Variants in PDS5A observed in about 807,000 individuals in gnomAD.
PDS5A encodes PDS5 cohesin associated factor A, also known as sister chromatid cohesion protein PDS5 homolog A.
PDS5A carries 42 observed loss-of-function variants against 167.1 expected under a neutral mutation model. The observed-to-expected ratio is 0.25, with a 90% confidence interval of 0.20 to 0.33. The LOEUF (loss-of-function observed/expected upper bound fraction) is 0.33. Among genes scored for constraint, PDS5A ranks in the 10% least tolerant of loss-of-function variants. The pLI is 1.00. For missense variants in PDS5A, 1,033 were observed against 1,605.9 expected, an observed-to-expected ratio of 0.64 and a Z score of 6.10; for synonymous variants, 553 against 554.6, an observed-to-expected ratio of 1.00 and a Z score of 0.04.
At chr4:39,906,485 AAGGTTTAATAGGGT>A (rs1225990372) in intron 11 of PDS5A, among the ~76,000 whole-genome samples, 2 of 152,092 alleles carry the variant, frequency 1.3e-5, no homozygotes, top group Non-Finnish European at 2.9e-5. Flanking sequence ...AGAGGTTGGG[AAGGTTTAATAGGGT>A]AGGAAAGAAA....
chr4:39,876,806 A>G (rs1281984722), intron 19 of PDS5A, among the ~76,000 whole-genome samples, 187 bp downstream of exon 19: 1 of 152,190 alleles, frequency 6.6e-6, no homozygotes, highest in African/African-American at 2.4e-5. Context: ...TGCTGCCTGC[A>G]TTCTAATGGT....
chr4:39,867,266 A>G (rs1249377313), intron 22 of PDS5A, among the ~76,000 whole-genome samples: 1 of 152,156 alleles, frequency 6.6e-6, no homozygotes, highest in African/African-American at 2.4e-5. Context: ...TCCAACAGAT[A>G]AGGCAATTGA....
chr4:39,906,917 T>TAAAATAAAAAA (rs1320189136), intron 11 of PDS5A, among the ~76,000 whole-genome samples: 5 of 54,028 alleles, frequency 9.3e-5, no homozygotes, highest in Non-Finnish European at 1.2e-4. Context: ...ATTTCTTACA[T>TAAAATAAAAAA]AAAAAAAAAA....
Position 39,824,562 on chromosome 4 carries a change from A to G in PDS5A, c.*923T>C, listed in dbSNP as rs898257352. ...CCTCCAACTTTCCTTAAAAGCTGCC[A>G]AAGTCCAACTATTTTTTAAAAATTG... On this transcript the variant is annotated 3_prime_UTR_variant, in exon 33 of 33. Transcript: ENST00000303538. The G allele has an allele frequency of 1.1e-4, 17 of 152,736 alleles. No individual in the cohort carries two copies. Among genetic ancestry groups the G allele is most frequent in the African/African-American group, 3.8e-4 (16 of 41,588 alleles). 9.5% of individuals were successfully genotyped at this position (152,736 alleles called of 1,614,324 possible). A position where few individuals can be genotyped will look rare whatever the true frequency, so the allele number is the denominator to read the frequency against.
chr4:39,883,546 G>T (rs1721147221), intron 17 of PDS5A, among the ~76,000 whole-genome samples: 2 of 152,316 alleles, frequency 1.3e-5, no homozygotes, highest in African/African-American at 2.4e-5. Flanking sequence ...AACAGCAGAA[G>T]ATTCTTCTTC....
intron 5 of PDS5A, among the ~76,000 whole-genome samples, chr4:39,923,642 C>CAA: frequency 4.1e-5 from 6 of 148,130 alleles, no homozygotes; most frequent in African/African-American, 1.5e-4. Flanking sequence ...TCTCAAAACA[C>CAA]ACACACACAC....
intron 30 of PDS5A, among the ~76,000 whole-genome samples, chr4:39,843,166 C>T (rs1453809675): frequency 6.6e-6 from 1 of 151,358 alleles, no homozygotes; most frequent in African/African-American, 2.4e-5. Context: ...TGAGCCATCA[C>T]ACATGGCCTT....
intron 8 of PDS5A, among the ~76,000 whole-genome samples, chr4:39,916,605 C>T (rs547395871): frequency 3.3e-5 from 5 of 152,120 alleles, no homozygotes; most frequent in African/African-American, 7.2e-5. Flanking sequence ...TGGTGGCTCA[C>T]GCTTGTAATC....
In PDS5A at chr4:39,900,420, A is replaced by C; in HGVS notation, c.1581+6T>G. 1 of 1,546,120 alleles carries C rather than the reference A, an allele frequency of 6.5e-7. No homozygotes were observed. Among genetic ancestry groups the C allele is most frequent in the Non-Finnish European group, 8.8e-7 (1 of 1,134,032 alleles). ...AACTATGAATTTAAACAAATCATGA[A>C]CCTACTGTAGGCTGCTTGTGCAAAT... On this transcript the variant is annotated splice_donor_region_variant and intron_variant, in intron 14 of 32. Coordinates refer to ENST00000303538, the MANE Select transcript of PDS5A (RefSeq NM_001100399.2).
At chr4:39,901,762 T>TA (rs891464191) in intron 13 of PDS5A, among the ~76,000 whole-genome samples, 4 of 152,340 alleles carry the variant, frequency 2.6e-5, no homozygotes, top group African/African-American at 9.6e-5. Context: ...ATCACTCATT[T>TA]ACTTTGTGTA....
chr4:39,841,807 CG>C, intron 31 of PDS5A, 140 bp downstream of exon 31: 1 of 567,886 alleles, frequency 1.8e-6, no homozygotes, highest in South Asian at 2.3e-5. Context: ...GTGCGGGAAG[CG>C]GGGAGAAGGT....
At chr4:39,959,618 G>A (rs541935613) in intron 2 of PDS5A, among the ~76,000 whole-genome samples, 21 of 152,192 alleles carry the variant, frequency 1.4e-4, no homozygotes, top group East Asian at 9.7e-4. Context: ...GATCACAGGC[G>A]TGAGCCACCA....
At position 39,922,744 on chromosome 4, in the gene PDS5A, T is replaced by C; in HGVS notation, c.532A>G (p.Ser178Gly). The change falls in exon 6 of 33, where the codon AGC (serine) becomes GGC (glycine). Residue 178 changes from serine to glycine, a missense_variant. By Grantham distance (56) the Ser-to-Gly change is moderately conservative. Transcript: ENST00000303538. ...FRTLFSVINNSHNKKVQMHML... is the reference protein window; with the variant it reads ...FRTLFSVINNGHNKKVQMHML... ...TGCATTTGTACCTTCTTATTGTGGC[T>C]ATTGCTATAAAAAAAAAAAAAAAAG... 7.0e-7 allele frequency: 1 copy of C among 1,432,998 alleles called. No individual in the cohort carries two copies. 88.8% of individuals were successfully genotyped at this position (1,432,998 alleles called of 1,614,324 possible). A position where few individuals can be genotyped will look rare whatever the true frequency, so the allele number is the denominator to read the frequency against.
chr4:39,874,226 C>G, intron 20 of PDS5A, 63 bp downstream of exon 20: 1 of 1,407,118 alleles, frequency 7.1e-7, no homozygotes, highest in South Asian at 1.3e-5. Context: ...CTTCCATCTT[C>G]ATCAAACTAT....
intron 2 of PDS5A, among the ~76,000 whole-genome samples, chr4:39,962,842 G>C (rs1442770956): frequency 6.6e-6 from 1 of 152,014 alleles, no homozygotes; most frequent in Admixed American, 6.6e-5. Flanking sequence ...CATGCCTGTA[G>C]TCCCAGCTAC....
intron 2 of PDS5A, among the ~76,000 whole-genome samples, chr4:39,970,790 C>CTTTTTTTTTT (rs35223238): frequency 2.3e-5 from 2 of 88,496 alleles, no homozygotes. Context: ...CCGCTTGTTC[C>CTTTTTTTTTT]TTTTTTTTTT....
chr4:39,976,745 C>G (rs1037557591), intron 1 of PDS5A, 128 bp from the exon 2 acceptor site: 1 of 484,136 alleles, frequency 2.1e-6, no homozygotes, highest in Non-Finnish European at 3.6e-6. Flanking sequence ...AGCGGCCTCG[C>G]CACCCGCTCT....
chr4:39,885,262 AAAAG>A (rs1480298508), intron 17 of PDS5A, among the ~76,000 whole-genome samples: 5 of 150,644 alleles, frequency 3.3e-5, no homozygotes, highest in African/African-American at 9.8e-5. Flanking sequence ...AAAAAAAAAA[AAAAG>A]AAAGGAAAAG....
In PDS5A at chr4:39,836,615, A is replaced by ATT. The variant is rs71645192; in HGVS notation, c.4010+1239_4010+1240dup. 8.1e-3 allele frequency among the ~76,000 whole-genome samples: 855 copies of ATT among 106,124 alleles called. 14 individuals are homozygous for ATT. Among genetic ancestry groups the ATT allele is most frequent in the African/African-American group, 0.023 (604 of 26,732 alleles). 69.6% of individuals were successfully genotyped at this position (106,124 alleles called of 152,430 possible). On this transcript the variant is annotated intron_variant, in intron 32 of 32. Transcript: ENST00000303538. Reference sequence around the variant, plus strand: ...ACGACCACACCCGGGATTTTTTTCTATTTTTTTTTTTTTTTTTTTTGTATT... The same window carrying ATT: ...ACGACCACACCCGGGATTTTTTTCTATTTTTTTTTTTTTTTTTTTTTTGTATT...
Sources: allele counts gnomAD v4.1 joint callset (sites outside exome capture counted in the v4.1 genomes callset), GRCh38; gene constraint gnomAD v4.1.1; transcripts MANE v1.5; gene names NCBI Gene and HGNC (gene_info 2026-07-23, HGNC 2026-07-21).